The following OR1L8 variants were observed in gnomAD, a reference collection of about 807,000 sequenced individuals.
OR1L8 encodes the protein olfactory receptor 1L8.
For missense variants in OR1L8, 330 were observed against 377.4 expected, an observed-to-expected ratio of 0.87 and a Z score of 1.04; for synonymous variants, 148 against 147.0, an observed-to-expected ratio of 1.01 and a Z score of -0.05.
At chr9:122,578,056 C>T (rs1410850620) in intron 2 of OR1L8, among the ~76,000 whole-genome samples, 1 of 152,138 alleles carries the variant, frequency 6.6e-6, no homozygotes. Context: ...ATTAGTACAA[C>T]CACTATGGAA....
chr9:122,557,309 G>A, the OR1L8 span, among the ~76,000 whole-genome samples: 6 of 151,986 alleles, frequency 3.9e-5, no homozygotes, highest in Non-Finnish European at 8.8e-5. Flanking sequence ...CCTGATCTTA[G>A]TGCAGAGCTT....
the OR1L8 span, among the ~76,000 whole-genome samples, chr9:122,549,842 G>T: frequency 6.6e-6 from 1 of 152,006 alleles, no homozygotes; most frequent in African/African-American, 2.4e-5. Flanking sequence ...TTGGCTATTT[G>T]TGATCTTTTT....
intron 3 of OR1L8, among the ~76,000 whole-genome samples, chr9:122,573,586 G>C (rs1829590330): frequency 6.6e-6 from 1 of 152,026 alleles, no homozygotes; most frequent in African/African-American, 2.4e-5. Context: ...TTTTTAATTG[G>C]GTTGTATATT....
chr9:122,555,854 A>G, the OR1L8 span, among the ~76,000 whole-genome samples: 1 of 152,216 alleles, frequency 6.6e-6, no homozygotes, highest in Admixed American at 6.5e-5. Context: ...ATTTATTACA[A>G]TCCATTAGCC....
downstream of OR1L8, among the ~76,000 whole-genome samples, chr9:122,562,275 G>A (rs1025684975): frequency 2.0e-5 from 3 of 152,274 alleles, no homozygotes; most frequent in African/African-American, 7.2e-5. Flanking sequence ...AGCAGTCCCA[G>A]TGTTGGCTGC....
At chr9:122,570,360 G>A (rs1829522808) in intron 4 of OR1L8, among the ~76,000 whole-genome samples, 1 of 152,134 alleles carries the variant, frequency 6.6e-6, no homozygotes, top group South Asian at 2.1e-4. Flanking sequence ...CTTCTTTACA[G>A]CAGTATATTC....
the OR1L8 span, chr9:122,554,170 T>C: frequency 9.4e-6 from 15 of 1,599,766 alleles, no homozygotes; most frequent in Non-Finnish European, 1.2e-5. Context: ...TGATTAGACA[T>C]CTAGACGGTG....
intron 1 of OR1L8, among the ~76,000 whole-genome samples, chr9:122,579,622 G>A (rs1255091375): frequency 6.6e-6 from 1 of 152,132 alleles, no homozygotes; most frequent in Non-Finnish European, 1.5e-5. Flanking sequence ...TTAGATATTA[G>A]TTGTGATGTT....
At chr9:122,564,029 AG>A (rs1829391787), downstream of OR1L8, among the ~76,000 whole-genome samples, 1 of 152,152 alleles carries the variant, frequency 6.6e-6, no homozygotes, top group African/African-American at 2.4e-5. Flanking sequence ...TTTTGAAGTC[AG>A]GTAGTGTGAT....
the OR1L8 span, among the ~76,000 whole-genome samples, chr9:122,552,077 TCTCA>T: frequency 2.8e-5 from 4 of 142,274 alleles, no homozygotes; most frequent in Middle Eastern, 3.6e-3. Context: ...TCTCTCTCTC[TCTCA>T]CACACACACA....
chr9:122,558,711 C>A, the OR1L8 span, among the ~76,000 whole-genome samples: 152 of 151,776 alleles, frequency 1.0e-3, no homozygotes, highest in African/African-American at 3.6e-3. Flanking sequence ...CTAAGAATCC[C>A]TGGGCTTTTT....
chr9:122,560,477 T>C, the OR1L8 span, among the ~76,000 whole-genome samples: 1 of 152,200 alleles, frequency 6.6e-6, no homozygotes, highest in Non-Finnish European at 1.5e-5. Flanking sequence ...GTGTTTCCTT[T>C]CCATATTTAG....
chr9:122,550,927 A>G, the OR1L8 span, among the ~76,000 whole-genome samples: 5 of 151,720 alleles, frequency 3.3e-5, no homozygotes, highest in Non-Finnish European at 2.9e-5. Context: ...AATCAGGGAA[A>G]AAAAAAAAAG....
At position 122,567,736 on chromosome 9, in the gene OR1L8, C is replaced by T. The variant is rs140524137; in HGVS notation, c.742G>A (p.Val248Met). Residue 248 changes from valine (V) to methionine (M), a missense_variant, in exon 5 of 5, where the codon GTG becomes ATG. Physicochemically the swap from Val to Met is conservative, Grantham distance 21. Coordinates refer to ENST00000641027, the MANE Select transcript of OR1L8 (RefSeq NM_001004454.2). ...AFSTCGFYLT[V>M]VTLFYGSIFC... The stretch of plus-strand genomic sequence containing the variant: ...ATGCTTCCATAAAAGAGCGTCACCA[C>T]GGTGAGGTAAAAACCACAGGTGGAG... 81 of 1,613,830 alleles carry T rather than the reference C, an allele frequency of 5.0e-5. No homozygotes were observed. The highest frequency in any genetic ancestry group is 1.6e-4 in the Middle Eastern group (1 of 6,080).
Position 122,568,417 on chromosome 9 carries a change from GGGA to G in OR1L8, c.58_60del (p.Ser20del), listed in dbSNP as rs1564200299. On this transcript the variant is annotated inframe_deletion, in exon 5 of 5. Transcript: ENST00000641027. ...AAGAGTGTCTTTTGGTCCTCAGGCC[GGGA>G]GGAGAGTCCCAGGAGGATAAACTCG... 1 of 1,613,134 alleles carries G rather than the reference GGGA, an allele frequency of 6.2e-7. No individual in the cohort carries two copies. Among genetic ancestry groups the G allele is most frequent in the South Asian group, 1.1e-5 (1 of 91,002 alleles).
chr9:122,570,236 A>T (rs1356525711), intron 4 of OR1L8, among the ~76,000 whole-genome samples: 17 of 151,368 alleles, frequency 1.1e-4, no homozygotes, highest in African/African-American at 4.1e-4. Flanking sequence ...CTAGTTCTAG[A>T]TCCCTGAGGA....
chr9:122,568,732 A>G (rs1829485057), intron 4 of OR1L8, 43 bp from the exon 5 acceptor site: 2 of 381,570 alleles, frequency 5.2e-6, no homozygotes, highest in Non-Finnish European at 9.3e-6. Context: ...AACTTTCAGA[A>G]GTGGACTCCT....
chr9:122,561,548 T>C, the OR1L8 span, among the ~76,000 whole-genome samples: 1 of 152,046 alleles, frequency 6.6e-6, no homozygotes, highest in East Asian at 1.9e-4. Context: ...GTTCATGCTG[T>C]TGTTGTTTTC....
chr9:122,548,521 A>G, the OR1L8 span, among the ~76,000 whole-genome samples: 3 of 152,116 alleles, frequency 2.0e-5, no homozygotes, highest in East Asian at 1.9e-4. Flanking sequence ...GTGACTCATT[A>G]GGAGATGGTT....
Sources: allele counts gnomAD v4.1 joint callset (sites outside exome capture counted in the v4.1 genomes callset), GRCh38; gene constraint gnomAD v4.1.1; transcripts MANE v1.5; gene names NCBI Gene and HGNC (gene_info 2026-07-23, HGNC 2026-07-21).